MYO5A: variants seen among roughly 807,000 people sequenced by gnomAD.
The protein encoded by MYO5A is myosin VA.
MYO5A carries 98 observed loss-of-function variants against 249.7 expected under a neutral mutation model. The observed-to-expected ratio is 0.39, with a 90% confidence interval of 0.33 to 0.46. The LOEUF is 0.46. Ranked by LOEUF, MYO5A falls within the 20% of genes least tolerant of loss-of-function variation. MYO5A has a pLI of 0.98. For missense variants in MYO5A, 1,696 were observed against 2,308.8 expected, an observed-to-expected ratio of 0.73 and a Z score of 5.44; for synonymous variants, 778 against 810.6, an observed-to-expected ratio of 0.96 and a Z score of 0.68.
At chr15:52,509,130 C>T (rs2077338089) in intron 1 of MYO5A, among the ~76,000 whole-genome samples, 1 of 152,084 alleles carries the variant, frequency 6.6e-6, no homozygotes, top group Non-Finnish European at 1.5e-5. Flanking sequence ...TGCCACCACA[C>T]CCAGCTAATA....
chr15:52,336,655 GT>G, intron 33 of MYO5A, 99 bp from the exon 34 acceptor site: 1 of 947,508 alleles, frequency 1.1e-6, no homozygotes, highest in Non-Finnish European at 1.6e-6. Flanking sequence ...CAACACGTTA[GT>G]TTTACATAAG....
intron 1 of MYO5A, among the ~76,000 whole-genome samples, chr15:52,507,038 T>A (rs2077286786): frequency 6.6e-6 from 1 of 152,196 alleles, no homozygotes. Flanking sequence ...CTACTTTTTT[T>A]TCCCCCTGTA....
At chr15:52,515,381 G>C (rs2077476069) in intron 1 of MYO5A, among the ~76,000 whole-genome samples, 1 of 152,144 alleles carries the variant, frequency 6.6e-6, no homozygotes, top group South Asian at 2.1e-4. Flanking sequence ...GCAGGGGTGT[G>C]GGGGAAAGTA....
chr15:52,515,135 T>C (rs2077470606), intron 1 of MYO5A, among the ~76,000 whole-genome samples: 1 of 151,710 alleles, frequency 6.6e-6, no homozygotes, highest in Non-Finnish European at 1.5e-5. Context: ...ATTAGCTGGG[T>C]GTGGTGGCAT....
chr15:52,513,467 C>G (rs1236234976), intron 1 of MYO5A, among the ~76,000 whole-genome samples: 1 of 147,778 alleles, frequency 6.8e-6, no homozygotes, highest in Non-Finnish European at 1.5e-5. Flanking sequence ...TCTTGTTGCC[C>G]AGGCTGGAGT....
chr15:52,463,550 A>G (rs2076295597), intron 1 of MYO5A, among the ~76,000 whole-genome samples: 1 of 152,094 alleles, frequency 6.6e-6, no homozygotes, highest in African/African-American at 2.4e-5. Flanking sequence ...TCTTACAGAC[A>G]TTTTCATCAG....
At chr15:52,361,423 G>A (rs1338656768) in intron 24 of MYO5A, among the ~76,000 whole-genome samples, 2 of 152,118 alleles carry the variant, frequency 1.3e-5, no homozygotes, top group Non-Finnish European at 2.9e-5. Flanking sequence ...CATTATACAA[G>A]GAATACCTTA....
At chr15:52,337,940 C>A in intron 32 of MYO5A, 56 bp from the exon 33 acceptor site, 3 of 1,200,448 alleles carry the variant, frequency 2.5e-6, no homozygotes, top group Non-Finnish European at 2.3e-6. Context: ...GAGGGAAATG[C>A]TATCTTTCAG....
At chr15:52,382,878 T>G (rs2041815712) in intron 16 of MYO5A, among the ~76,000 whole-genome samples, 2 of 152,218 alleles carry the variant, frequency 1.3e-5, no homozygotes, top group African/African-American at 4.8e-5. Flanking sequence ...TTTTCAAATC[T>G]TCAGATGGCT....
chr15:52,383,877 A>G (rs564013731), intron 15 of MYO5A, among the ~76,000 whole-genome samples: 1 of 152,362 alleles, frequency 6.6e-6, no homozygotes, highest in South Asian at 2.1e-4. Flanking sequence ...AAATATAGAG[A>G]CAAAACAAAC....
At chr15:52,382,979 C>T in intron 16 of MYO5A, 112 bp downstream of exon 16, 1 of 922,136 alleles carries the variant, frequency 1.1e-6, no homozygotes, top group Non-Finnish European at 1.8e-6. Flanking sequence ...TGAAGACTTA[C>T]CCAAATATTT....
chr15:52,321,645 C>T, intron 37 of MYO5A, 136 bp from the exon 38 acceptor site: 1 of 945,044 alleles, frequency 1.1e-6, no homozygotes, highest in Non-Finnish European at 1.7e-6. Context: ...CCAGGACTGA[C>T]ATTCTCAAAT....
In MYO5A at chr15:52,340,277, G is replaced by A. The variant is rs369802433; in HGVS notation, c.4158C>T (p.Ala1386=). ...EENNRQQQLL[A]QNLQLPPEAR... ...CCTCTGGGGGCAGCTGCAGGTTCTG[G>A]GCCAGCAGCTGCTGCTGTCGGTTGT... The change falls in exon 32 of 42, where the codon GCC becomes GCT. Residue 1386 remains alanine (A), a synonymous_variant. Transcript: ENST00000399233. 6.2e-7 allele frequency: 1 copy of A among 1,613,826 alleles called. No homozygotes were observed. Among genetic ancestry groups the A allele is most frequent in the Non-Finnish European group, 8.5e-7 (1 of 1,180,008 alleles).
intron 1 of MYO5A, 119 bp downstream of exon 1, chr15:52,528,661 A>G (rs1479097884): frequency 1.7e-6 from 2 of 1,192,784 alleles, no homozygotes; most frequent in Non-Finnish European, 2.2e-6. Flanking sequence ...GAGGCGCTGA[A>G]GGGGATGGCG....
At chr15:52,398,642 T>C (rs555872176) in intron 9 of MYO5A, among the ~76,000 whole-genome samples, 1 of 152,240 alleles carries the variant, frequency 6.6e-6, no homozygotes, top group Admixed American at 6.5e-5. Flanking sequence ...CCTGCTCAAC[T>C]CCCTTAAATA....
Position 52,376,566 on chromosome 15 carries a change from T to C in MYO5A, c.2209-8A>G, listed in dbSNP as rs759372953. 9 of 1,609,538 alleles carry C rather than the reference T, an allele frequency of 5.6e-6. No individual in the cohort carries two copies. The East Asian group carries it at 1.8e-4, about 32-fold the overall frequency. Reference sequence around the variant, plus strand: ...CTGGTATTTGTCCTTGTCCTATTTTTGGAAGAAATTGTATATTCAGAAATA... The same window carrying C: ...CTGGTATTTGTCCTTGTCCTATTTTCGGAAGAAATTGTATATTCAGAAATA... On this transcript the variant is annotated splice_region_variant and splice_polypyrimidine_tract_variant and intron_variant, in intron 18 of 41. Coordinates refer to ENST00000399233, the MANE Select transcript of MYO5A (RefSeq NM_001382347.1).
chr15:52,433,961 C>T (rs1376640428), intron 1 of MYO5A, among the ~76,000 whole-genome samples: 1 of 148,958 alleles, frequency 6.7e-6, no homozygotes, highest in Non-Finnish European at 1.5e-5. Flanking sequence ...CTTTTTATGG[C>T]TGGGTTTACA....
chr15:52,447,505 T>C (rs2075917879), intron 1 of MYO5A, among the ~76,000 whole-genome samples: 1 of 151,932 alleles, frequency 6.6e-6, no homozygotes, highest in African/African-American at 2.4e-5. Context: ...GGTAATGAGG[T>C]GTGGGGCATT....
chr15:52,324,627 T>C (rs8037882), intron 36 of MYO5A, among the ~76,000 whole-genome samples: 148,753 of 152,292 alleles, frequency 0.98, 72,749 homozygotes, highest in Middle Eastern at 1. Context: ...CACAACAAAA[T>C]CCAGGTTCTT....
Sources: allele counts gnomAD v4.1 joint callset (sites outside exome capture counted in the v4.1 genomes callset), GRCh38; gene constraint gnomAD v4.1.1; transcripts MANE v1.5; gene names NCBI Gene and HGNC (gene_info 2026-07-23, HGNC 2026-07-21).